NXPH1: variants seen among roughly 807,000 people sequenced by gnomAD.
NXPH1 encodes the protein neurexophilin-1.
NXPH1 carries 5 observed loss-of-function variants against 23.7 expected under a neutral mutation model. That is an observed-to-expected ratio of 0.21 (90% CI 0.11 to 0.44). The LOEUF (loss-of-function observed/expected upper bound fraction) is 0.44, where lower values mean the gene tolerates loss of function less well. Ranked by LOEUF, NXPH1 falls within the 20% of genes least tolerant of loss-of-function variation. The pLI is 0.99. For missense variants in NXPH1, 324 were observed against 321.6 expected, an observed-to-expected ratio of 1.01 and a Z score of -0.06; for synonymous variants, 144 against 122.2, an observed-to-expected ratio of 1.18 and a Z score of -1.18.
intron 2 of NXPH1, among the ~76,000 whole-genome samples, chr7:8,723,804 T>C (rs936626286): frequency 6.6e-6 from 1 of 152,072 alleles, no homozygotes; most frequent in African/African-American, 2.4e-5. Context: ...AATGTGTAGA[T>C]AGGATTCCAG....
chr7:8,482,331 C>CA (rs563593683), intron 2 of NXPH1, among the ~76,000 whole-genome samples: 4 of 151,686 alleles, frequency 2.6e-5, no homozygotes, highest in African/African-American at 9.7e-5. Flanking sequence ...CCCTTTCTAA[C>CA]ATCCATTTCC....
intron 2 of NXPH1, among the ~76,000 whole-genome samples, chr7:8,723,720 G>A (rs1375418856): frequency 6.6e-6 from 1 of 152,140 alleles, no homozygotes; most frequent in Non-Finnish European, 1.5e-5. Context: ...AGGGTGCTAT[G>A]AGTGGATCAA....
At chr7:8,592,410 C>A (rs1425631000) in intron 2 of NXPH1, among the ~76,000 whole-genome samples, 2 of 151,934 alleles carry the variant, frequency 1.3e-5, no homozygotes, top group East Asian at 3.9e-4. Flanking sequence ...CCCATATTTC[C>A]ATTTTGTAGG....
At chr7:8,515,432 A>AT (rs1817672084) in intron 2 of NXPH1, among the ~76,000 whole-genome samples, 1 of 152,126 alleles carries the variant, frequency 6.6e-6, no homozygotes, top group African/African-American at 2.4e-5. Context: ...TTTCACAGCT[A>AT]AATTGTGGAT....
chr7:8,675,805 T>C (rs1298408908), intron 2 of NXPH1, among the ~76,000 whole-genome samples: 1 of 152,130 alleles, frequency 6.6e-6, no homozygotes, highest in East Asian at 1.9e-4. Flanking sequence ...CATGGACAAA[T>C]ATGGGTCTCT....
At chr7:8,697,819 G>C (rs1265933944) in intron 2 of NXPH1, among the ~76,000 whole-genome samples, 1 of 152,172 alleles carries the variant, frequency 6.6e-6, no homozygotes, top group African/African-American at 2.4e-5. Context: ...GAATAAGCTT[G>C]ATGAATTTTA....
chr7:8,683,022 G>A (rs980058909), intron 2 of NXPH1, among the ~76,000 whole-genome samples: 1 of 152,240 alleles, frequency 6.6e-6, no homozygotes, highest in Non-Finnish European at 1.5e-5. Context: ...GGAATATCGT[G>A]TAGCTTGTGA....
intron 2 of NXPH1, among the ~76,000 whole-genome samples, chr7:8,645,483 G>A (rs1820383429): frequency 6.6e-6 from 1 of 151,834 alleles, no homozygotes. Flanking sequence ...TATATTATTT[G>A]CACATTTTAT....
At chr7:8,683,332 G>A (rs1006104328) in intron 2 of NXPH1, among the ~76,000 whole-genome samples, 4 of 152,156 alleles carry the variant, frequency 2.6e-5, no homozygotes, top group Admixed American at 1.3e-4. Context: ...ATTTCAATAC[G>A]AGATTTGGAG....
At chr7:8,491,166 G>T (rs931644026) in intron 2 of NXPH1, among the ~76,000 whole-genome samples, 1 of 151,802 alleles carries the variant, frequency 6.6e-6, no homozygotes, top group Admixed American at 6.6e-5. Flanking sequence ...AAAAAATTTT[G>T]TAATTTATAC....
chr7:8,467,911 G>A (rs575547542), intron 2 of NXPH1, among the ~76,000 whole-genome samples: 71 of 151,892 alleles, frequency 4.7e-4, no homozygotes, highest in African/African-American at 1.6e-3. Context: ...TAAGTTTTTC[G>A]GGCATTGTAT....
chr7:8,531,206 C>T (rs1419304593), intron 2 of NXPH1, among the ~76,000 whole-genome samples: 1 of 152,092 alleles, frequency 6.6e-6, no homozygotes, highest in Non-Finnish European at 1.5e-5. Flanking sequence ...AGTAAATCCT[C>T]CATAACTATG....
chr7:8,481,941 C>G (rs1269605634), intron 2 of NXPH1, among the ~76,000 whole-genome samples: 1 of 152,172 alleles, frequency 6.6e-6, no homozygotes, highest in South Asian at 2.1e-4. Context: ...CTGACTAGCA[C>G]CTGATGCCCC....
intron 2 of NXPH1, among the ~76,000 whole-genome samples, chr7:8,547,239 A>G (rs1389392471): frequency 1.3e-5 from 2 of 151,404 alleles, no homozygotes; most frequent in Non-Finnish European, 3.0e-5. Flanking sequence ...ATTGGAGGAG[A>G]GAAAGATAGT....
rs190377327 is a variant in NXPH1 at position 8,568,626 on chromosome 7, A to G, written c.54+132859A>G. Among the ~76,000 whole-genome samples, 18 of 148,044 alleles carry G rather than the reference A, an allele frequency of 1.2e-4. No homozygotes were observed. The East Asian group carries it at 2.9e-3, about 24-fold the overall frequency. On this transcript the variant is annotated intron_variant, in intron 2 of 2. Coordinates refer to ENST00000405863, the MANE Select transcript of NXPH1 (RefSeq NM_152745.3). Reference sequence around the variant, plus strand: ...TCAAATATCCCTTACATAATGCATAAAAGAAAGTTTTCATTCTTAGCAAAA... The same window carrying G: ...TCAAATATCCCTTACATAATGCATAGAAGAAAGTTTTCATTCTTAGCAAAA...
chr7:8,486,848 A>C (rs902986204), intron 2 of NXPH1, among the ~76,000 whole-genome samples: 3 of 152,134 alleles, frequency 2.0e-5, no homozygotes, highest in African/African-American at 7.2e-5. Flanking sequence ...ATCAGTTCTC[A>C]GATTAAATAT....
chr7:8,745,359 C>T (rs997655380), intron 2 of NXPH1, among the ~76,000 whole-genome samples: 1 of 141,352 alleles, frequency 7.1e-6, no homozygotes, highest in Non-Finnish European at 1.5e-5. Flanking sequence ...AAAATCTACT[C>T]TCTTAGCATG....
At chr7:8,620,938 GCT>G (rs1176457337) in intron 2 of NXPH1, among the ~76,000 whole-genome samples, 1 of 151,956 alleles carries the variant, frequency 6.6e-6, no homozygotes, top group Admixed American at 6.6e-5. Flanking sequence ...GAATAAAAAC[GCT>G]CTCTCTATAA....
chr7:8,743,604 T>A (rs905405772), intron 2 of NXPH1, among the ~76,000 whole-genome samples: 1 of 152,124 alleles, frequency 6.6e-6, no homozygotes. Context: ...TGAGATGATA[T>A]TAGAACAAGC....
Sources: allele counts gnomAD v4.1 joint callset (sites outside exome capture counted in the v4.1 genomes callset), GRCh38; gene constraint gnomAD v4.1.1; transcripts MANE v1.5; gene names NCBI Gene and HGNC (gene_info 2026-07-23, HGNC 2026-07-21).